Variants in SSU72 observed in about 807,000 individuals in gnomAD.
The protein encoded by SSU72 is RNA polymerase II subunit A C-terminal domain phosphatase SSU72.
In SSU72, 12 loss-of-function variants were observed where a neutral mutation model predicts 22.7. The observed-to-expected ratio is 0.53, with a 90% confidence interval of 0.34 to 0.86. SSU72 has a LOEUF of 0.86. Among genes scored for constraint, SSU72 ranks in the 40% least tolerant of loss-of-function variants. The pLI is 0.02. For synonymous variants in SSU72, 116 were observed against 98.3 expected, an observed-to-expected ratio of 1.18 and a Z score of -1.06; for missense variants, 151 against 249.8, an observed-to-expected ratio of 0.60 and a Z score of 2.67.
At chr1:1,544,795 C>G (rs577454983) in intron 3 of SSU72, 68 bp downstream of exon 3, 2 of 1,609,020 alleles carry the variant, frequency 1.2e-6, no homozygotes, top group Non-Finnish European at 1.7e-6. Flanking sequence ...CATGGTGGGG[C>G]CCTGCAGGCA....
chr1:1,543,135 G>A (rs904573507), intron 4 of SSU72, among the ~76,000 whole-genome samples: 6 of 152,238 alleles, frequency 3.9e-5, no homozygotes, highest in Non-Finnish European at 7.3e-5. Context: ...GCACCTCCAC[G>A]CCGCAGCAGG....
intron 1 of SSU72, 131 bp from the exon 2 acceptor site, chr1:1,565,047 T>C: frequency 7.7e-7 from 1 of 1,291,876 alleles, no homozygotes; most frequent in Non-Finnish European, 1.0e-6. Context: ...TGTCTTCAAA[T>C]TTTTAATCTA....
At chr1:1,545,186 C>G (rs1299672202) in intron 2 of SSU72, 184 bp from the exon 3 acceptor site, 8 of 669,638 alleles carry the variant, frequency 1.2e-5, no homozygotes, top group Admixed American at 2.8e-5. Context: ...GGAGGTCCCA[C>G]AGAAAACAAA....
chr1:1,563,236 A>G (rs891067157), intron 2 of SSU72: 1 of 152,220 alleles, frequency 6.6e-6, no homozygotes, highest in Non-Finnish European at 1.5e-5. Context: ...TTTTTAGCTT[A>G]TTAAATATTC....
chr1:1,567,073 A>C (rs893465014), intron 1 of SSU72, among the ~76,000 whole-genome samples: 1 of 152,322 alleles, frequency 6.6e-6, no homozygotes, highest in East Asian at 1.9e-4. Context: ...TGCCTGCAGG[A>C]TGCCCACTGC....
intron 1 of SSU72, 64 bp downstream of exon 1, chr1:1,574,414 C>A: frequency 6.6e-7 from 1 of 1,517,520 alleles, no homozygotes; most frequent in Non-Finnish European, 8.9e-7. Context: ...CCAGGGGGAA[C>A]CGGGGAGGAG....
chr1:1,554,140 G>C lies in SSU72; in HGVS notation c.225-9138C>G, dbSNP rs756715779. 8.5e-5 allele frequency among the ~76,000 whole-genome samples: 13 copies of C among 152,214 alleles called. No homozygotes were observed. Among genetic ancestry groups the C allele is most frequent in the Non-Finnish European group, 1.3e-4 (9 of 68,038 alleles). On this transcript the variant is annotated intron_variant, in intron 2 of 4. Coordinates refer to ENST00000291386, the MANE Select transcript of SSU72 (RefSeq NM_014188.3). The surrounding 1 kb of genome is among the most constrained non-coding windows in gnomAD (Gnocchi z 4.1). ...TTGTGAGATTCACCATCAGCAAAAA[G>C]TGAAGCTGAGCACGAGGCGGATCCG...
rs149867555 is a variant in SSU72 at position 1,558,500 on chromosome 1, C to T, written c.224+6273G>A. On this transcript the variant is annotated intron_variant, in intron 2 of 4. Coordinates refer to ENST00000291386, the MANE Select transcript of SSU72 (RefSeq NM_014188.3). ...CTTGGTCTCCAGCTGCACGGCCAGA[C>T]GAGACCCAGGAAAGTGTCAGATGCA... Among the ~76,000 whole-genome samples the T allele has an allele frequency of 5.2e-3, 785 of 152,326 alleles. 3 individuals carry two copies. Among genetic ancestry groups the T allele is most frequent in the Admixed American group, 0.012 (184 of 15,294 alleles).
rs764508251 is a variant in SSU72, at chr1:1,564,588, G to T, written c.224+185C>A. The T allele has an allele frequency of 4.2e-5, 68 of 1,606,576 alleles. No homozygotes were observed. In the South Asian group the frequency reaches 7.2e-4, roughly 17 times the overall value. ...CGCCTCACCACGCCTACTGCCATGG[G>T]TGGCACTGGAACTAACCCGTGGACG... On this transcript the variant is annotated intron_variant, in intron 2 of 4. Coordinates refer to ENST00000291386, the MANE Select transcript of SSU72 (RefSeq NM_014188.3).
chr1:1,541,826 T>C lies in SSU72; in HGVS notation c.*240A>G, dbSNP rs2100701481. ...AGTGCACACAAACCGTTGTCTTTCC[T>C]TTTTGGTTAAAGAAGAAAAACTTTG... On this transcript the variant is annotated 3_prime_UTR_variant, in exon 5 of 5. Coordinates refer to ENST00000291386, the MANE Select transcript of SSU72 (RefSeq NM_014188.3). 2.0e-6 allele frequency: 1 copy of C among 506,454 alleles called. No individual in the cohort carries two copies. The highest frequency in any genetic ancestry group is 3.6e-6 in the Non-Finnish European group (1 of 279,366). The allele number at this position is 506,454 out of a possible 1,614,324, so 31.4% of individuals were successfully genotyped here.
At chr1:1,558,359 C>T (rs1352606035) in intron 2 of SSU72, among the ~76,000 whole-genome samples, 2 of 152,074 alleles carry the variant, frequency 1.3e-5, no homozygotes, top group Non-Finnish European at 2.9e-5. Context: ...CAGAGAGACG[C>T]CCTGTCTCAA....
Position 1,564,627 on chromosome 1 carries a change from C to G in SSU72, c.224+146G>C, listed in dbSNP as rs764838762. The G allele has an allele frequency of 5.0e-6, 8 of 1,613,672 alleles. No homozygotes were observed. In the Admixed American group the frequency reaches 1.0e-4, roughly 20 times the overall value. ...AACCCGTGGACGATCCGACGTGCAC[C>G]AGGAATAGAAACCAAGCTCTCGCAA... is the stretch of plus-strand genomic sequence containing the variant. On this transcript the variant is annotated intron_variant, in intron 2 of 4. Transcript: ENST00000291386.
intron 2 of SSU72, chr1:1,561,153 C>T (rs377170103): frequency 3.3e-4 from 50 of 152,380 alleles, no homozygotes; most frequent in Admixed American, 2.6e-4. Flanking sequence ...AGCGCGATCT[C>T]GGCTCACTGC....
chr1:1,542,194 C>G lies in SSU72; in HGVS notation c.484-27G>C, dbSNP rs533468240. ...TGCAAGGACAGGACCGTGGTGAGGG[C>G]CTTGCCCACTCCTGCCTGTCTGCTC... On this transcript the variant is annotated intron_variant, in intron 4 of 4. Transcript: ENST00000291386. The surrounding 1 kb of genome is among the most constrained non-coding windows in gnomAD (Gnocchi z 4.4). 1.9e-5 allele frequency: 30 copies of G among 1,557,074 alleles called. 2 individuals are homozygous for G. In the South Asian group the frequency reaches 3.4e-4, roughly 18 times the overall value.
At chr1:1,543,808 G>T in intron 4 of SSU72, 61 bp downstream of exon 4, 1 of 1,398,512 alleles carries the variant, frequency 7.2e-7, no homozygotes, top group Non-Finnish European at 1.0e-6. Flanking sequence ...CTCTGTCACG[G>T]CCTCGGTCAC....
chr1:1,553,619 CAAAAAAA>C (rs59261076), intron 2 of SSU72, among the ~76,000 whole-genome samples: 47,059 of 100,914 alleles, frequency 0.47, 9,223 homozygotes, highest in African/African-American at 0.59. Context: ...ACTAAAAATA[CAAAAAAA>C]AAAAAAAAAA....
chr1:1,544,928 T>C lies in SSU72; in HGVS notation c.299A>G (p.Asn100Ser). ...GATCAGATCAAACAGGTCTTTGCAGTTCTGGAATCTTTCTGGCCGGGGCTT... is the reference window on the plus strand; with the variant it reads ...GATCAGATCAAACAGGTCTTTGCAGCTCTGGAATCTTTCTGGCCGGGGCTT... ...RIKPRPERFQ[N>S]CKDLFDLILT... The change falls in exon 3 of 5, where the codon AAC becomes AGC. Residue 100 changes from asparagine (N) to serine (S), a missense_variant. Coordinates refer to ENST00000291386, the MANE Select transcript of SSU72 (RefSeq NM_014188.3). 1.2e-6 allele frequency: 2 copies of C among 1,614,218 alleles called. No homozygotes were observed. Among genetic ancestry groups the C allele is most frequent in the Non-Finnish European group, 1.7e-6 (2 of 1,180,038 alleles).
rs565545758 is a variant in SSU72, at chr1:1,554,577, G to A, written c.225-9575C>T. On this transcript the variant is annotated intron_variant, in intron 2 of 4. Coordinates refer to ENST00000291386, the MANE Select transcript of SSU72 (RefSeq NM_014188.3). This position sits in a 1 kb window ranked among gnomAD's most constrained non-coding sequence, Gnocchi z 4.1. Reference sequence around the variant, plus strand: ...GGCCTTAGTGGGACCAGAACATCCCGGGGAGTTAGAATGAGCGCAGCTGCC... The same window carrying A: ...GGCCTTAGTGGGACCAGAACATCCCAGGGAGTTAGAATGAGCGCAGCTGCC... 3.3e-4 allele frequency among the ~76,000 whole-genome samples: 51 copies of A among 152,258 alleles called. No homozygotes were observed. In the South Asian group the frequency reaches 5.0e-3, roughly 15 times the overall value.
Position 1,574,461 on chromosome 1 carries a change from G to A in SSU72, c.80+17C>T, listed in dbSNP as rs374497992. ...CGCCGGAGCAGAGCGCGCGGGGACA[G>A]GGTGGAGCCCAACTACCTGAGGATG... On this transcript the variant is annotated intron_variant, in intron 1 of 4. Coordinates refer to ENST00000291386, the MANE Select transcript of SSU72 (RefSeq NM_014188.3). 3.7e-4 allele frequency: 587 copies of A among 1,590,422 alleles called. 5 individuals carry two copies. In the African/African-American group the frequency reaches 7.2e-3, roughly 20 times the overall value.
Sources: gnomAD v4.1 joint callset for allele counts (sites outside exome capture counted in the v4.1 genomes callset) on GRCh38, gnomAD v4.1.1 for gene constraint, Gnocchi (gnomAD v3.1) non-coding constraint, MANE v1.5 for transcripts, NCBI Gene and HGNC (gene_info 2026-07-23, HGNC 2026-07-21) for gene names.